The following NRG3 variants were observed in gnomAD, a reference collection of about 807,000 sequenced individuals.
NRG3 encodes the protein neuregulin 3.
Under a neutral mutation model 66.9 loss-of-function variants are expected in NRG3, and 31 were observed. The ratio of observed to expected loss-of-function variants is 0.46; its 90% CI spans 0.35 to 0.63. The LOEUF is 0.63. NRG3 is among the 20% of genes least tolerant of loss of function. NRG3 has a pLI of 0.00. For missense variants in NRG3, 910 were observed against 878.9 expected, an observed-to-expected ratio of 1.04 and a Z score of -0.45; for synonymous variants, 393 against 359.4, an observed-to-expected ratio of 1.09 and a Z score of -1.06.
At chr10:82,309,058 G>A (rs1288638567) in intron 1 of NRG3, among the ~76,000 whole-genome samples, 3 of 152,016 alleles carry the variant, frequency 2.0e-5, no homozygotes, top group Non-Finnish European at 4.4e-5. Flanking sequence ...TTTTCTTCTT[G>A]GGATCCATAC....
chr10:82,480,355 T>C (rs1196929551), intron 2 of NRG3, among the ~76,000 whole-genome samples: 1 of 152,222 alleles, frequency 6.6e-6, no homozygotes, highest in Non-Finnish European at 1.5e-5. Context: ...GTTTAAGCTA[T>C]AGTAATTACA....
chr10:82,487,862 G>A (rs1219783369), intron 2 of NRG3, among the ~76,000 whole-genome samples: 1 of 152,098 alleles, frequency 6.6e-6, no homozygotes, highest in African/African-American at 2.4e-5. Context: ...AGTATATTAT[G>A]AGTTGTAGTC....
chr10:82,291,999 T>A (rs1463346896), intron 1 of NRG3, among the ~76,000 whole-genome samples: 2 of 152,164 alleles, frequency 1.3e-5, no homozygotes, highest in Admixed American at 6.5e-5. Context: ...TTAAAATGCT[T>A]GTCTGAGAAT....
chr10:82,499,121 G>A (rs1455743279), intron 2 of NRG3, among the ~76,000 whole-genome samples: 1 of 152,160 alleles, frequency 6.6e-6, no homozygotes, highest in South Asian at 2.1e-4. Flanking sequence ...GTCTGGCCTA[G>A]TGACAAGTGA....
intron 3 of NRG3, among the ~76,000 whole-genome samples, chr10:82,774,431 C>A (rs969909990): frequency 3.3e-5 from 5 of 152,076 alleles, no homozygotes; most frequent in Non-Finnish European, 5.9e-5. Flanking sequence ...TTAATGTCTT[C>A]TTCAACCTCT....
chr10:82,647,093 T>C (rs1221309625), intron 2 of NRG3, among the ~76,000 whole-genome samples: 1 of 152,042 alleles, frequency 6.6e-6, no homozygotes, highest in African/African-American at 2.4e-5. Flanking sequence ...CATGCTGGTG[T>C]GCTGCACCCA....
chr10:82,959,031 G>T lies in NRG3; in HGVS notation c.1240G>T (p.Ala414Ser). The T allele has an allele frequency of 6.2e-7, 1 of 1,606,480 alleles. No homozygotes were observed. Among genetic ancestry groups the T allele is most frequent in the Non-Finnish European group, 8.5e-7 (1 of 1,177,692 alleles). Residue 414 changes from alanine to serine, a missense_variant, in exon 6 of 9, where the codon GCA (alanine) becomes TCA (serine). Physicochemically the swap from Ala to Ser is moderately conservative, Grantham distance 99. Coordinates refer to ENST00000372141, the MANE Select transcript of NRG3 (RefSeq NM_001010848.4). ...CAGTCTCAAAGCATCCAGCACAATG[G>T]CAAAGTCAGAGAACTTGGTGAAGAG... ...SYSLKASSTMAKSENLVKSHV... is the reference protein window; with the variant it reads ...SYSLKASSTMSKSENLVKSHV...
chr10:82,197,989 G>T (rs967309413), intron 1 of NRG3, among the ~76,000 whole-genome samples: 1 of 152,076 alleles, frequency 6.6e-6, no homozygotes, highest in African/African-American at 2.4e-5. Flanking sequence ...TCAAAAAAGA[G>T]AACATTTAAT....
At chr10:82,534,293 G>A (rs555504320) in intron 2 of NRG3, among the ~76,000 whole-genome samples, 57 of 149,648 alleles carry the variant, frequency 3.8e-4, no homozygotes, top group South Asian at 6.3e-4. Flanking sequence ...ACAGAGTATC[G>A]CTGTATTGCC....
intron 2 of NRG3, among the ~76,000 whole-genome samples, chr10:82,516,324 A>C (rs915860909): frequency 6.6e-6 from 1 of 152,098 alleles, no homozygotes; most frequent in African/African-American, 2.4e-5. Flanking sequence ...CTTTCCATCT[A>C]TCTAGGACTT....
intron 1 of NRG3, among the ~76,000 whole-genome samples, chr10:82,209,820 G>A (rs1022695200): frequency 3.3e-5 from 5 of 152,052 alleles, no homozygotes; most frequent in African/African-American, 1.2e-4. Context: ...GTTTTGCAGT[G>A]TGTCACAAGT....
At chr10:82,048,874 G>C (rs910450695) in intron 1 of NRG3, among the ~76,000 whole-genome samples, 1 of 151,712 alleles carries the variant, frequency 6.6e-6, no homozygotes, top group Non-Finnish European at 1.5e-5. Flanking sequence ...AAGAAAAAAA[G>C]AGAGAAGAAT....
intron 4 of NRG3, among the ~76,000 whole-genome samples, chr10:82,896,949 G>C (rs1263965205): frequency 6.6e-6 from 1 of 152,172 alleles, no homozygotes; most frequent in African/African-American, 2.4e-5. Flanking sequence ...AAATCATACT[G>C]GTTCTTCCAT....
intron 1 of NRG3, among the ~76,000 whole-genome samples, chr10:81,962,695 T>C (rs1304323558): frequency 6.6e-6 from 1 of 152,006 alleles, no homozygotes; most frequent in African/African-American, 2.4e-5. Context: ...GCTAGCGGAG[T>C]AGTCTCTGAT....
intron 1 of NRG3, among the ~76,000 whole-genome samples, chr10:81,903,027 C>T (rs367678384): frequency 2.0e-5 from 3 of 152,006 alleles, no homozygotes; most frequent in Admixed American, 6.5e-5. Context: ...CTGAAGTGAA[C>T]GATAATTAAG....
chr10:82,110,594 T>C (rs922325996), intron 1 of NRG3, among the ~76,000 whole-genome samples: 1 of 147,088 alleles, frequency 6.8e-6, no homozygotes, highest in African/African-American at 2.6e-5. Flanking sequence ...AGTAGTCAGA[T>C]ATTAATATAG....
intron 2 of NRG3, among the ~76,000 whole-genome samples, chr10:82,625,060 A>G (rs888947394): frequency 2.6e-5 from 4 of 151,672 alleles, no homozygotes; most frequent in African/African-American, 9.7e-5. Context: ...AAGCTGATGC[A>G]TTTTTCAGTG....
intron 1 of NRG3, among the ~76,000 whole-genome samples, chr10:81,890,937 A>T (rs1842957689): frequency 1.3e-5 from 2 of 152,212 alleles, no homozygotes; most frequent in African/African-American, 2.4e-5. Flanking sequence ...ACATTGCCAA[A>T]TGAAATCATC....
At chr10:82,158,857 A>G (rs2071369829) in intron 1 of NRG3, among the ~76,000 whole-genome samples, 1 of 151,810 alleles carries the variant, frequency 6.6e-6, no homozygotes, top group Admixed American at 6.6e-5. Flanking sequence ...GATCATTTTC[A>G]CACTGGAAAT....
Sources: allele counts gnomAD v4.1 joint callset (sites outside exome capture counted in the v4.1 genomes callset), GRCh38; gene constraint gnomAD v4.1.1; transcripts MANE v1.5; gene names NCBI Gene and HGNC (gene_info 2026-07-23, HGNC 2026-07-21).